COL12A1: variants seen among roughly 807,000 people sequenced by gnomAD.
COL12A1 encodes collagen alpha-1(XII) chain.
Under a neutral mutation model 349.7 loss-of-function variants are expected in COL12A1, and 114 were observed. The observed-to-expected ratio is 0.33, with a 90% CI of 0.28 to 0.38. The LOEUF (loss-of-function observed/expected upper bound fraction) is 0.38, where lower values mean the gene tolerates loss of function less well. Among genes scored for constraint, COL12A1 ranks in the 10% least tolerant of loss-of-function variants. The probability of loss-of-function intolerance (pLI) is 1.00; values close to 1 mark genes in which losing one functional copy is unlikely to be tolerated. For missense variants in COL12A1, 3,284 were observed against 3,756.9 expected, an observed-to-expected ratio of 0.87 and a Z score of 3.29; for synonymous variants, 1,369 against 1,329.0, an observed-to-expected ratio of 1.03 and a Z score of -0.66.
intron 35 of COL12A1, among the ~76,000 whole-genome samples, chr6:75,131,208 A>G (rs551988435): frequency 6.6e-6 from 1 of 152,282 alleles, no homozygotes; most frequent in South Asian, 2.1e-4. Flanking sequence ...TAGTAGCTTC[A>G]GTTATCTCCG....
chr6:75,165,841 A>G, intron 13 of COL12A1, 62 bp from the exon 14 acceptor site: 1 of 1,481,402 alleles, frequency 6.8e-7, no homozygotes, highest in Non-Finnish European at 9.2e-7. Flanking sequence ...TAAGTATTAT[A>G]TTCATTGATC....
intron 30 of COL12A1, 145 bp downstream of exon 30, chr6:75,138,175 G>A: frequency 1.1e-6 from 1 of 890,252 alleles, no homozygotes; most frequent in Non-Finnish European, 1.7e-6. Context: ...AGTTTTTCAA[G>A]AAAAGCCTAT....
intron 14 of COL12A1, among the ~76,000 whole-genome samples, chr6:75,157,975 C>T (rs912107625): frequency 6.6e-6 from 1 of 152,098 alleles, no homozygotes; most frequent in Non-Finnish European, 1.5e-5. Flanking sequence ...AATGTCAGAT[C>T]AAACTATTTC....
intron 12 of COL12A1, among the ~76,000 whole-genome samples, chr6:75,176,315 T>C (rs1272414276): frequency 6.9e-6 from 1 of 145,050 alleles, no homozygotes; most frequent in Non-Finnish European, 1.5e-5. Flanking sequence ...GGGAGAGTGA[T>C]GCAGTGGGAG....
chr6:75,086,648 GT>G, intron 65 of COL12A1, 91 bp from the exon 66 acceptor site: 1 of 288,142 alleles, frequency 3.5e-6, no homozygotes, highest in Non-Finnish European at 6.5e-6. Context: ...AATGGTTAAA[GT>G]ATATATATAT....
intron 17 of COL12A1, among the ~76,000 whole-genome samples, chr6:75,153,096 A>G (rs535877311): frequency 1.3e-5 from 2 of 152,284 alleles, no homozygotes; most frequent in African/African-American, 4.8e-5. Flanking sequence ...AGGTAAAGAT[A>G]TATTTTTTAA....
intron 13 of COL12A1, among the ~76,000 whole-genome samples, chr6:75,167,145 G>T (rs556715636): frequency 1.4e-3 from 215 of 152,188 alleles, no homozygotes; most frequent in African/African-American, 4.9e-3. Flanking sequence ...CTATGTAAAT[G>T]GTCATACACC....
Position 75,134,116 on chromosome 6 carries a change from T to C in COL12A1, c.5525-119A>G, listed in dbSNP as rs572603014. 2.8e-5 allele frequency: 32 copies of C among 1,142,758 alleles called. No homozygotes were observed. In the East Asian group the frequency reaches 6.0e-4, roughly 21 times the overall value. The allele number at this position is 1,142,758 out of a possible 1,614,324, so 70.8% of individuals were successfully genotyped here. A position where few individuals can be genotyped will look rare whatever the true frequency, so the allele number is the denominator to read the frequency against. ...ATAGCAGGCACCGCACAAACATTTGTTGAAGTAGTGAATAAACGACACACA... is the reference window on the plus strand; with the variant it reads ...ATAGCAGGCACCGCACAAACATTTGCTGAAGTAGTGAATAAACGACACACA... On this transcript the variant is annotated intron_variant, in intron 32 of 65. Coordinates refer to ENST00000322507, the MANE Select transcript of COL12A1 (RefSeq NM_004370.6).
At chr6:75,202,052 G>C (rs1331379220) in intron 2 of COL12A1, among the ~76,000 whole-genome samples, 1 of 152,182 alleles carries the variant, frequency 6.6e-6, no homozygotes, top group Non-Finnish European at 1.5e-5. Flanking sequence ...GTCTGAGCTG[G>C]ACCAGTCCAG....
chr6:75,152,587 C>T (rs1767549893), intron 17 of COL12A1, 105 bp from the exon 18 acceptor site: 1 of 1,297,864 alleles, frequency 7.7e-7, no homozygotes, highest in Non-Finnish European at 1.1e-6. Flanking sequence ...TTGCCTGTCT[C>T]AGTACTATGG....
Position 75,086,342 on chromosome 6 carries a change from A to G in COL12A1, c.*205T>C. The G allele has an allele frequency of 3.0e-6, 1 of 334,770 alleles. No individual in the cohort carries two copies. Among genetic ancestry groups the G allele is most frequent in the Non-Finnish European group, 5.8e-6 (1 of 172,136 alleles). 20.7% of individuals were successfully genotyped at this position (334,770 alleles called of 1,614,324 possible). A position where few individuals can be genotyped will look rare whatever the true frequency, so the allele number is the denominator to read the frequency against. ...TATTACTGAAATGCATCAGGATTAT[A>G]AACTGACACCACTGCTTTTGTCTCA... is the stretch of plus-strand genomic sequence containing the variant. On this transcript the variant is annotated 3_prime_UTR_variant, in exon 66 of 66. Coordinates refer to ENST00000322507, the MANE Select transcript of COL12A1 (RefSeq NM_004370.6).
intron 14 of COL12A1, among the ~76,000 whole-genome samples, chr6:75,159,515 A>G (rs1414132634): frequency 6.7e-6 from 1 of 149,948 alleles, no homozygotes; most frequent in African/African-American, 2.4e-5. Flanking sequence ...AGTTTTGAAA[A>G]TAGTACAAGA....
rs775809424 is a variant in COL12A1, at chr6:75,192,335, T to C, written c.211A>G (p.Thr71Ala). The C allele has an allele frequency of 9.9e-6, 16 of 1,610,910 alleles. No individual in the cohort carries two copies. The highest frequency in any genetic ancestry group is 1.3e-5 in the African/African-American group (1 of 74,798). ...PTTDGPTKEF[T>A]LSASTTETLL... ...GTTTCAGTGGTACTAGCTGAAAGGGTAAATTCTTTAGTAGGCCCATCTGGA... is the reference window on the plus strand; with the variant it reads ...GTTTCAGTGGTACTAGCTGAAAGGGCAAATTCTTTAGTAGGCCCATCTGGA... Residue 71 changes from threonine to alanine, a missense_variant, in exon 4 of 66, where the codon ACC becomes GCC. By Grantham distance (58) the Thr-to-Ala change is moderately conservative. Transcript: ENST00000322507.
chr6:75,126,596 C>A, intron 38 of COL12A1, 126 bp from the exon 39 acceptor site: 3 of 1,104,910 alleles, frequency 2.7e-6, no homozygotes, highest in Non-Finnish European at 3.7e-6. Flanking sequence ...ATGTCTTTAT[C>A]CAGAAAACAA....
intron 13 of COL12A1, among the ~76,000 whole-genome samples, chr6:75,166,570 A>C (rs1196069442): frequency 6.6e-6 from 1 of 151,922 alleles, no homozygotes; most frequent in East Asian, 1.9e-4. Flanking sequence ...TAAAACCCTC[A>C]CTCTCCATAT....
chr6:75,154,667 CAT>C, intron 16 of COL12A1, 130 bp from the exon 17 acceptor site: 2 of 852,326 alleles, frequency 2.3e-6, no homozygotes, highest in Non-Finnish European at 3.2e-6. Flanking sequence ...TAGTGTACAA[CAT>C]TATAAGAGAA....
rs1349148081 is a variant in COL12A1 at position 75,165,763 on chromosome 6, T to C, written c.2727A>G (p.Gln909=). Residue 909 remains glutamine (Q), a synonymous_variant, in exon 14 of 66, where the codon CAA becomes CAG. Transcript: ENST00000322507. ...GTTLEERGSP[Q]DLVTKDITDT... is the part of the protein sequence containing the mutation. ...CAGTGATGTCTTTAGTAACTAAATC[T>C]TGAGGAGAACCACGTTCTAGAACAG... 1 of 1,613,780 alleles carries C rather than the reference T, an allele frequency of 6.2e-7. No individual in the cohort carries two copies. The highest frequency in any genetic ancestry group is 8.5e-7 in the Non-Finnish European group (1 of 1,179,794).
At chr6:75,132,214 C>A in intron 34 of COL12A1, 132 bp from the exon 35 acceptor site, 1 of 1,177,516 alleles carries the variant, frequency 8.5e-7, no homozygotes, top group Admixed American at 2.5e-5. Context: ...ATTACCTACA[C>A]ACAAAGGCAG....
intron 1 of COL12A1, among the ~76,000 whole-genome samples, chr6:75,203,281 A>C (rs568576483): frequency 6.6e-6 from 1 of 152,194 alleles, no homozygotes; most frequent in South Asian, 2.1e-4. Context: ...AGTATAATAA[A>C]CCTTTTTAAT....
Sources: allele counts gnomAD v4.1 joint callset (sites outside exome capture counted in the v4.1 genomes callset), GRCh38; gene constraint gnomAD v4.1.1; transcripts MANE v1.5; gene names NCBI Gene and HGNC (gene_info 2026-07-23, HGNC 2026-07-21).